TBC1D32: variants seen among roughly 807,000 people sequenced by gnomAD.
TBC1D32 encodes the protein TBC1 domain family member 32.
A neutral mutation model predicts 170.3 loss-of-function variants in TBC1D32; 151 were observed. That is an observed-to-expected ratio of 0.89 (90% confidence interval 0.78 to 1.01). The LOEUF (loss-of-function observed/expected upper bound fraction) is 1.01, where lower values mean the gene tolerates loss of function less well. Ranked by LOEUF, TBC1D32 falls within the 50% of genes least tolerant of loss-of-function variation. The pLI is 0.00. For missense variants in TBC1D32, 1,464 were observed against 1,457.1 expected (o/e 1.00, Z -0.08); for synonymous variants, 498 against 488.0 (o/e 1.02, Z -0.27).
intron 22 of TBC1D32, among the ~76,000 whole-genome samples, chr6:121,189,621 C>T (rs1583143405): frequency 1.3e-5 from 2 of 151,952 alleles, no homozygotes; most frequent in East Asian, 3.9e-4. Context: ...AGTTTACAGA[C>T]ATCTAATTTA....
At chr6:121,194,140 G>A (rs1036612959) in intron 22 of TBC1D32, among the ~76,000 whole-genome samples, 1 of 152,140 alleles carries the variant, frequency 6.6e-6, no homozygotes, top group African/African-American at 2.4e-5. Context: ...GGCTTATGGA[G>A]GTCAGGTAAT....
chr6:121,130,441 C>A (rs1368498079), intron 25 of TBC1D32, among the ~76,000 whole-genome samples: 1 of 152,118 alleles, frequency 6.6e-6, no homozygotes, highest in Non-Finnish European at 1.5e-5. Flanking sequence ...AAGATCGCAC[C>A]ATGGCACTCC....
At chr6:121,291,371 A>T (rs1223088839) in intron 12 of TBC1D32, among the ~76,000 whole-genome samples, 2 of 152,084 alleles carry the variant, frequency 1.3e-5, no homozygotes, top group Non-Finnish European at 2.9e-5. Context: ...CACAGAGAGA[A>T]TATACAAAAG....
At chr6:121,325,427 T>C (rs904497027) in intron 1 of TBC1D32, among the ~76,000 whole-genome samples, 6 of 152,028 alleles carry the variant, frequency 3.9e-5, no homozygotes, top group African/African-American at 1.2e-4. Context: ...AAAACAGATA[T>C]ATAGACCAAT....
At chr6:121,256,428 T>C (rs1799025101) in intron 15 of TBC1D32, 143 bp from the exon 16 acceptor site, 2 of 648,136 alleles carry the variant, frequency 3.1e-6, no homozygotes, top group Non-Finnish European at 5.2e-6. Context: ...TTCCCACCCA[T>C]GCACAGATGT....
chr6:121,299,990 A>G (rs545004184), intron 9 of TBC1D32, among the ~76,000 whole-genome samples: 1 of 152,356 alleles, frequency 6.6e-6, no homozygotes, highest in East Asian at 1.9e-4. Flanking sequence ...TCAAAGTGTC[A>G]AAAGAGCTTT....
rs9372651 is a variant in TBC1D32, at chr6:121,258,794, C to T, written c.1734-2509G>A. ...CCCTTTTATAGACAGCTCAGTGCTC[C>T]ATTGTGTAAACATAATTCAATCAAC... is the stretch of plus-strand genomic sequence containing the variant. On this transcript the variant is annotated intron_variant, in intron 15 of 31. Coordinates refer to ENST00000398212, the MANE Select transcript of TBC1D32 (RefSeq NM_152730.6). Among the ~76,000 whole-genome samples the T allele has an allele frequency of 1.6e-3, 245 of 152,192 alleles. 11 individuals carry two copies. In the East Asian group the frequency reaches 0.044, roughly 27 times the overall value.
At chr6:121,223,487 A>C (rs1794745156) in intron 20 of TBC1D32, 135 bp from the exon 21 acceptor site, 3 of 675,966 alleles carry the variant, frequency 4.4e-6, no homozygotes. Flanking sequence ...ATACGTTTGA[A>C]ATATGTACAT....
At chr6:121,160,887 G>T in intron 23 of TBC1D32, 61 bp downstream of exon 23, 1 of 1,306,696 alleles carries the variant, frequency 7.7e-7, no homozygotes, top group Non-Finnish European at 1.1e-6. Context: ...CTTTGAGTTG[G>T]CTATCTTGCT....
intron 24 of TBC1D32, among the ~76,000 whole-genome samples, chr6:121,156,261 C>T (rs1352667386): frequency 6.6e-6 from 1 of 151,748 alleles, no homozygotes; most frequent in African/African-American, 2.4e-5. Context: ...TTTTCAGGAA[C>T]TTATCAATAT....
rs757389009 is a variant in TBC1D32 at position 121,256,083 on chromosome 6, C to A, written c.1935+1G>T. On this transcript the variant is annotated splice_donor_variant, in intron 16 of 31. Transcript: ENST00000398212. LOFTEE classifies it high-confidence loss of function. ...AAAAAACGAAGCTTGAAAATACTTA[C>A]CTTTTTCCATGCCTTTGCTATAGAT... The A allele has an allele frequency of 6.2e-7, 1 of 1,604,524 alleles. No individual in the cohort carries two copies. The highest frequency in any genetic ancestry group is 8.5e-7 in the Non-Finnish European group (1 of 1,177,786).
intron 3 of TBC1D32, among the ~76,000 whole-genome samples, chr6:121,314,831 T>G (rs954033444): frequency 2.0e-5 from 3 of 152,194 alleles, no homozygotes; most frequent in Non-Finnish European, 4.4e-5. Context: ...ATTTTCTATT[T>G]GAGTGTGTCT....
At chr6:121,173,310 G>A (rs1227132023) in intron 22 of TBC1D32, among the ~76,000 whole-genome samples, 1 of 152,034 alleles carries the variant, frequency 6.6e-6, no homozygotes, top group Non-Finnish European at 1.5e-5. Context: ...CTCTTTGCAG[G>A]AGGAAGGCTT....
intron 25 of TBC1D32, among the ~76,000 whole-genome samples, chr6:121,130,579 T>G (rs1475579538): frequency 4.6e-5 from 7 of 152,154 alleles, no homozygotes; most frequent in Non-Finnish European, 5.9e-5. Flanking sequence ...AATGGTAATG[T>G]TCTACATGTT....
intron 22 of TBC1D32, among the ~76,000 whole-genome samples, chr6:121,186,168 G>A (rs1300409457): frequency 6.6e-6 from 1 of 152,090 alleles, no homozygotes; most frequent in Non-Finnish European, 1.5e-5. Context: ...TTCTTCTAAT[G>A]TTTGAAGCTT....
At chr6:121,334,196 T>A (rs1400007585) in intron 1 of TBC1D32, 80 bp downstream of exon 1, 1 of 1,185,406 alleles carries the variant, frequency 8.4e-7, no homozygotes, top group Non-Finnish European at 1.2e-6. Flanking sequence ...AAACAATAAA[T>A]AAATTAACAC....
intron 22 of TBC1D32, among the ~76,000 whole-genome samples, chr6:121,184,746 T>G (rs760289587): frequency 1.3e-5 from 2 of 151,820 alleles, no homozygotes; most frequent in Non-Finnish European, 2.9e-5. Flanking sequence ...TCTAGGATTT[T>G]GGAGTGAATC....
chr6:121,281,704 T>A lies in TBC1D32; in HGVS notation c.1466-18A>T, dbSNP rs759079742. The stretch of plus-strand genomic sequence containing the variant: ...GTAATTCTCTAATAAACAATAAATA[T>A]TTTTTAATACCAAAACATTAAATAC... On this transcript the variant is annotated intron_variant, in intron 13 of 31. Coordinates refer to ENST00000398212, the MANE Select transcript of TBC1D32 (RefSeq NM_152730.6). 3 of 1,548,782 alleles carry A rather than the reference T, an allele frequency of 1.9e-6. No homozygotes were observed. The highest frequency in any genetic ancestry group is 1.7e-6 in the Non-Finnish European group (2 of 1,144,688).
At chr6:121,288,309 G>A (rs1374929439) in intron 12 of TBC1D32, among the ~76,000 whole-genome samples, 1 of 152,132 alleles carries the variant, frequency 6.6e-6, no homozygotes, top group African/African-American at 2.4e-5. Flanking sequence ...AATAAAAAAT[G>A]ATAAAGGGGA....
Sources: allele counts gnomAD v4.1 joint callset (sites outside exome capture counted in the v4.1 genomes callset), GRCh38; gene constraint gnomAD v4.1.1; transcripts MANE v1.5; gene names NCBI Gene and HGNC (gene_info 2026-07-23, HGNC 2026-07-21).